CAD: variants seen among roughly 807,000 people sequenced by gnomAD.
CAD encodes multifunctional protein CAD.
CAD carries 81 observed loss-of-function variants against 237.2 expected under a neutral mutation model. The observed-to-expected ratio is 0.34, with a 90% CI of 0.29 to 0.41. The LOEUF is 0.41. Ranked by LOEUF, CAD falls within the 10% of genes least tolerant of loss-of-function variation. The probability of loss-of-function intolerance (pLI) is 1.00; values close to 1 mark genes in which losing one functional copy is unlikely to be tolerated. For missense variants in CAD, 2,181 were observed against 2,951.7 expected (o/e 0.74, Z 6.05); for synonymous variants, 1,196 against 1,162.8 (o/e 1.03, Z -0.58).
Position 27,238,458 on chromosome 2 carries a change from C to T in CAD, c.4888C>T (p.Arg1630Trp), listed in dbSNP as rs528613370. 13 of 1,594,744 alleles carry T rather than the reference C, an allele frequency of 8.2e-6. No homozygotes were observed. Among genetic ancestry groups the T allele is most frequent in the South Asian group, 2.3e-5 (2 of 88,162 alleles). Residue 1630 changes from arginine to tryptophan, a missense_variant, in exon 31 of 44, where the codon CGG (arginine) becomes TGG (tryptophan). Arg to Trp is a moderately radical substitution (Grantham distance 101). Around this residue, in one of 12 missense-constraint regions of CAD, gnomAD observed 478 missense variants for 515.0 expected, o/e 0.93. Coordinates refer to ENST00000264705, the MANE Select transcript of CAD (RefSeq NM_004341.5). ...EILLIKAAKA[R>W]GLPVTCEVAP... is the part of the protein sequence containing the mutation. ...CCTGCTAATTAAAGCTGCAAAGGCA[C>T]GGGGCTTGCCAGTGACCTGCGAGGT... is the stretch of plus-strand genomic sequence containing the variant.
intron 11 of CAD, 114 bp from the exon 12 acceptor site, chr2:27,225,591 C>A: frequency 2.6e-6 from 2 of 781,962 alleles, no homozygotes; most frequent in Non-Finnish European, 2.1e-6. Flanking sequence ...GGGTTACAGG[C>A]GTGAGCCACT....
In CAD at chr2:27,242,728, A is replaced by T. The variant is rs767383024; in HGVS notation, c.6331A>T (p.Met2111Leu). ...LRYVAPPSLRMPPTVRAFVAS... is the reference protein window; with the variant it reads ...LRYVAPPSLRLPPTVRAFVAS... ...CTACGTGGCACCTCCCAGCCTGCGC[A>T]TGCCACCCACTGTGCGGGCCTTCGT... Residue 2111 changes from methionine to leucine, a missense_variant, in exon 41 of 44, where the codon ATG becomes TTG. Coordinates refer to ENST00000264705, the MANE Select transcript of CAD (RefSeq NM_004341.5). The surrounding 1 kb of genome is among the most constrained non-coding windows in gnomAD (Gnocchi z 6.4). The T allele has an allele frequency of 1.9e-6, 3 of 1,614,182 alleles. No individual in the cohort carries two copies. Among genetic ancestry groups the T allele is most frequent in the Non-Finnish European group, 2.5e-6 (3 of 1,180,028 alleles).
chr2:27,240,685 G>A lies in CAD; in HGVS notation c.5594-226G>A. 1.3e-6 allele frequency: 2 copies of A among 1,481,644 alleles called. No homozygotes were observed. The highest frequency in any genetic ancestry group is 2.5e-5 in the South Asian group (2 of 80,456). The allele number at this position is 1,481,644 out of a possible 1,614,324, so 91.8% of individuals were successfully genotyped here. On this transcript the variant is annotated intron_variant, in intron 35 of 43. Transcript: ENST00000264705. This position sits in a 1 kb window ranked among gnomAD's most constrained non-coding sequence, Gnocchi z 4.6. ...TTGCCTAGGATGCCTTTGCCAACTG[G>A]GAGAGCCCCGGGAGGGCACCACTGC...
In CAD at chr2:27,243,596, C is replaced by A; in HGVS notation, c.*78C>A. ...TCCAGTGCCTCCTACGGGGGCAGCA[C>A]ACTTAGATATTCCTGGACATCCAGA... is the stretch of plus-strand genomic sequence containing the variant. On this transcript the variant is annotated 3_prime_UTR_variant, in exon 44 of 44. Coordinates refer to ENST00000264705, the MANE Select transcript of CAD (RefSeq NM_004341.5). 2 of 1,060,686 alleles carry A rather than the reference C, an allele frequency of 1.9e-6. No homozygotes were observed. The highest frequency in any genetic ancestry group is 1.4e-5 in the South Asian group (1 of 71,020). The allele number at this position is 1,060,686 out of a possible 1,614,324, so 65.7% of individuals were successfully genotyped here.
In CAD at chr2:27,226,238, G is replaced by A; in HGVS notation, c.1950G>A (p.Gln650=). 1 of 1,614,174 alleles carries A rather than the reference G, an allele frequency of 6.2e-7. No homozygotes were observed. The highest frequency in any genetic ancestry group is 2.2e-5 in the East Asian group (1 of 44,886). Residue 650 remains glutamine (Q), a synonymous_variant, in exon 13 of 44, where the codon CAG becomes CAA. Coordinates refer to ENST00000264705, the MANE Select transcript of CAD (RefSeq NM_004341.5). ...LNDREYQLLR[Q]TAIKVTQHLG... The stretch of plus-strand genomic sequence containing the variant: ...ACAGGGAGTATCAGCTCCTGAGGCA[G>A]ACAGCTATCAAGGTGACCCAGCACC...
At chr2:27,224,240 G>T in intron 8 of CAD, 105 bp from the exon 9 acceptor site, 1 of 1,241,008 alleles carries the variant, frequency 8.1e-7, no homozygotes, top group Non-Finnish European at 1.1e-6. Flanking sequence ...TCCTCCTGAG[G>T]TGCATAATTT....
rs1467826562 is a variant in CAD, at chr2:27,241,933, T to A, written c.5906T>A (p.Phe1969Tyr). Residue 1969 changes from phenylalanine to tyrosine, a missense_variant, in exon 39 of 44, where the codon TTC becomes TAC. Phe to Tyr is a conservative substitution (Grantham distance 22). Coordinates refer to ENST00000264705, the MANE Select transcript of CAD (RefSeq NM_004341.5). The surrounding 1 kb of genome is among the most constrained non-coding windows in gnomAD (Gnocchi z 4.6). ...TAGGGGAAGGTCATGGCCTCCATGT[T>A]CTATGAAGTGAGCACACGGACCAGC... ...ILKGKVMASM[F>Y]YEVSTRTSSS... The A allele has an allele frequency of 6.2e-7, 1 of 1,613,482 alleles. No homozygotes were observed. Among genetic ancestry groups the A allele is most frequent in the Non-Finnish European group, 8.5e-7 (1 of 1,179,882 alleles).
At chr2:27,229,066 G>A (rs1052981056) in intron 15 of CAD, among the ~76,000 whole-genome samples, 4 of 151,294 alleles carry the variant, frequency 2.6e-5, no homozygotes, top group Non-Finnish European at 5.9e-5. Flanking sequence ...CTACAGGCGC[G>A]CACAACCACG....
In CAD at chr2:27,223,626, A is replaced by G. The variant is rs147119054; in HGVS notation, c.873A>G (p.Thr291=). The part of the protein sequence containing the change: ...LLVGSGRCFL[T]SQNHGFAVET... ...TGGGCTCTGGGCGCTGCTTTCTGAC[A>G]TCCCAGAACCATGGGTTTGCTGTGG... The change falls in exon 7 of 44, where the codon ACA becomes ACG. Residue 291 remains threonine, a synonymous_variant. Coordinates refer to ENST00000264705, the MANE Select transcript of CAD (RefSeq NM_004341.5). 1 of 1,613,978 alleles carries G rather than the reference A, an allele frequency of 6.2e-7. No individual in the cohort carries two copies. Among genetic ancestry groups the G allele is most frequent in the Non-Finnish European group, 8.5e-7 (1 of 1,180,018 alleles).
In CAD at chr2:27,232,158, C is replaced by T. The variant is rs868200604; in HGVS notation, c.2579C>T (p.Pro860Leu). ...CAACACCGTGGACAGCCTTTGCCGC[C>T]AGACCTGCTGCAACAGGCCAAGTGT... ...LEQHRGQPLP[P>L]DLLQQAKCLG... Residue 860 changes from proline to leucine, a missense_variant, in exon 17 of 44, where the codon CCA (proline) becomes CTA (leucine). Around this residue, in one of 12 missense-constraint regions of CAD, gnomAD observed 385 missense variants for 535.1 expected, o/e 0.72. Coordinates refer to ENST00000264705, the MANE Select transcript of CAD (RefSeq NM_004341.5). This position sits in a 1 kb window ranked among gnomAD's most constrained non-coding sequence, Gnocchi z 4.1. 6.2e-6 allele frequency: 10 copies of T among 1,614,252 alleles called. No individual in the cohort carries two copies. Among genetic ancestry groups the T allele is most frequent in the Non-Finnish European group, 8.5e-6 (10 of 1,180,056 alleles).
At chr2:27,223,103 GAGA>G in intron 6 of CAD, 66 bp downstream of exon 6, 1 of 1,529,530 alleles carries the variant, frequency 6.5e-7, no homozygotes, top group Admixed American at 1.7e-5. Flanking sequence ...TCTCAGGAAT[GAGA>G]AGAGAGTTGG....
At chr2:27,243,009 T>A in intron 42 of CAD, 36 bp downstream of exon 42, 1 of 1,524,498 alleles carries the variant, frequency 6.6e-7, no homozygotes, top group Non-Finnish European at 9.0e-7. Context: ...CCAGGGCTGC[T>A]GCCGTAGGGC....
In CAD at chr2:27,241,021, C is replaced by T; in HGVS notation, c.5639-37C>T. ...TGATCTGGCCTTGGTAGGAGGAACCCTCTGACCAGCCTTTTCTGCCCCATC... is the reference window on the plus strand; with the variant it reads ...TGATCTGGCCTTGGTAGGAGGAACCTTCTGACCAGCCTTTTCTGCCCCATC... On this transcript the variant is annotated intron_variant, in intron 36 of 43. Coordinates refer to ENST00000264705, the MANE Select transcript of CAD (RefSeq NM_004341.5). This position sits in a 1 kb window ranked among gnomAD's most constrained non-coding sequence, Gnocchi z 4.6. 3 of 1,613,736 alleles carry T rather than the reference C, an allele frequency of 1.9e-6. No homozygotes were observed. Among genetic ancestry groups the T allele is most frequent in the Non-Finnish European group, 2.5e-6 (3 of 1,179,780 alleles).
chr2:27,242,531 A>T lies in CAD; in HGVS notation c.6223-89A>T. 1 of 1,558,450 alleles carries T rather than the reference A, an allele frequency of 6.4e-7. No individual in the cohort carries two copies. The highest frequency in any genetic ancestry group is 2.3e-5 in the East Asian group (1 of 44,260). On this transcript the variant is annotated intron_variant, in intron 40 of 43. Coordinates refer to ENST00000264705, the MANE Select transcript of CAD (RefSeq NM_004341.5). This position sits in a 1 kb window ranked among gnomAD's most constrained non-coding sequence, Gnocchi z 6.4. ...GGACAGCTGCATCAAGGAGGCCTTC[A>T]TTCTGCTCCAGAGGCTTTTAAAAGC...
At chr2:27,218,777 A>G (rs724311) in intron 2 of CAD, among the ~76,000 whole-genome samples, 36,881 of 152,068 alleles carry the variant, frequency 0.24, 4,752 homozygotes, top group Admixed American at 0.36. Context: ...CCCAACATAT[A>G]GTAATTAAGG....
In CAD at chr2:27,234,591, G is replaced by T; in HGVS notation, c.3692G>T (p.Gly1231Val). ...TTCCCCTTCGTTTCCAAGACACTGG[G>T]TGTGGACCTAGTAGCCTTGGCCACG... Reference protein sequence around the residue: ...RSFPFVSKTLGVDLVALATRV... With the variant: ...RSFPFVSKTLVVDLVALATRV... Residue 1231 changes from glycine (G) to valine (V), a missense_variant, in exon 23 of 44, where the codon GGT becomes GTT. Around this residue, in one of 12 missense-constraint regions of CAD, gnomAD observed 306 missense variants for 607.9 expected, o/e 0.50. Transcript: ENST00000264705. The T allele has an allele frequency of 6.2e-7, 1 of 1,614,098 alleles. No individual in the cohort carries two copies. The highest frequency in any genetic ancestry group is 8.5e-7 in the Non-Finnish European group (1 of 1,179,944).
Position 27,218,577 on chromosome 2 carries a change from A to C in CAD, c.222+561A>C, listed in dbSNP as rs545535823. Among the ~76,000 whole-genome samples the C allele has an allele frequency of 2.0e-5, 3 of 152,268 alleles. No individual in the cohort carries two copies. In the South Asian group the frequency reaches 6.2e-4, roughly 32 times the overall value. On this transcript the variant is annotated intron_variant, in intron 2 of 43. Coordinates refer to ENST00000264705, the MANE Select transcript of CAD (RefSeq NM_004341.5). ...TCTCTGTGACAGTGAGTGCCAGTTT[A>C]CCTACAAAACCAGTGACATTATCTT...
Position 27,240,023 on chromosome 2 carries a change from C to G in CAD, c.5496+225C>G, listed in dbSNP as rs1676222967. ...TGGGAGGCCAAGGCAGGCGGATCAT[C>G]TGAGGTCAGGAGTTTAAGACCAGCC... On this transcript the variant is annotated intron_variant, in intron 34 of 43. Transcript: ENST00000264705. This position sits in a 1 kb window ranked among gnomAD's most constrained non-coding sequence, Gnocchi z 4.6. The G allele has an allele frequency of 1.7e-6, 1 of 587,362 alleles. No homozygotes were observed. The highest frequency in any genetic ancestry group is 3.0e-6 in the Non-Finnish European group (1 of 335,764). The allele number at this position is 587,362 out of a possible 1,614,324, so 36.4% of individuals were successfully genotyped here.
At position 27,225,222 on chromosome 2, in the gene CAD, G is replaced by A. The variant is rs1675375037; in HGVS notation, c.1599G>A (p.Glu533=). ...TCGGAGAGCATGTGGCCCCGAGCGA[G>A]GCAGCAAATTCTCTTGAACAGGTTG... ...AEIGEHVAPS[E]AANSLEQAQA... is the part of the protein sequence containing the mutation. Residue 533 remains glutamate (E), a synonymous_variant, in exon 11 of 44, where the codon GAG becomes GAA. Coordinates refer to ENST00000264705, the MANE Select transcript of CAD (RefSeq NM_004341.5). The A allele has an allele frequency of 6.2e-7, 1 of 1,613,410 alleles. No homozygotes were observed. The highest frequency in any genetic ancestry group is 1.1e-5 in the South Asian group (1 of 91,042).
Sources: allele counts gnomAD v4.1 joint callset (sites outside exome capture counted in the v4.1 genomes callset), GRCh38; gene constraint gnomAD v4.1.1; regional missense constraint gnomAD v4.1.1; non-coding constraint Gnocchi (gnomAD v3.1); transcripts MANE v1.5; gene names NCBI Gene and HGNC (gene_info 2026-07-23, HGNC 2026-07-21).